TASP1: variants seen among roughly 807,000 people sequenced by gnomAD.
TASP1 encodes the protein threonine aspartase 1.
A neutral mutation model predicts 56.6 loss-of-function variants in TASP1; 16 were observed. The ratio of observed to expected loss-of-function variants is 0.28; its 90% CI spans 0.19 to 0.43. The LOEUF (loss-of-function observed/expected upper bound fraction) is 0.43. TASP1 is among the 20% of genes least tolerant of loss of function. The pLI, the probability that TASP1 is intolerant of heterozygous loss-of-function variation, is 1.00. For missense variants in TASP1, 393 were observed against 511.6 expected (o/e 0.77, Z 2.24); for synonymous variants, 179 against 184.2 (o/e 0.97, Z 0.23).
chr20:13,523,670 CTCCTGGCAAG>C (rs2044858766), intron 10 of TASP1, among the ~76,000 whole-genome samples: 1 of 152,140 alleles, frequency 6.6e-6, no homozygotes, highest in Non-Finnish European at 1.5e-5. Flanking sequence ...TTTGAAGCTA[CTCCTGGCAAG>C]TCCTGACCAC....
chr20:13,399,363 A>G (rs1404812296), intron 13 of TASP1, among the ~76,000 whole-genome samples: 1 of 152,102 alleles, frequency 6.6e-6, no homozygotes, highest in East Asian at 1.9e-4. Flanking sequence ...ATATCCAGCT[A>G]CCTTTTGGGC....
At chr20:13,611,651 C>T (rs1228367178) in intron 4 of TASP1, among the ~76,000 whole-genome samples, 1 of 152,150 alleles carries the variant, frequency 6.6e-6, no homozygotes, top group African/African-American at 2.4e-5. Flanking sequence ...GCCCTTGCAA[C>T]AAGACAAAAG....
the TASP1 span, among the ~76,000 whole-genome samples, chr20:13,180,563 A>G: frequency 6.6e-6 from 1 of 152,150 alleles, no homozygotes; most frequent in African/African-American, 2.4e-5. Flanking sequence ...GCCACTGAAC[A>G]TTTGTTAATT....
chr20:13,153,712 A>G, the TASP1 span, among the ~76,000 whole-genome samples: 1 of 152,152 alleles, frequency 6.6e-6, no homozygotes, highest in Non-Finnish European at 1.5e-5. Context: ...GAGTCTATAC[A>G]AAATAGATAC....
intron 13 of TASP1, among the ~76,000 whole-genome samples, chr20:13,395,061 C>T (rs2041471328): frequency 6.6e-6 from 1 of 152,160 alleles, no homozygotes; most frequent in African/African-American, 2.4e-5. Flanking sequence ...CTTCCAAGAC[C>T]ACCTTAGAAA....
At chr20:13,629,881 G>A (rs922463174) in intron 2 of TASP1, 53 bp downstream of exon 2, 9 of 1,607,246 alleles carry the variant, frequency 5.6e-6, no homozygotes, top group Non-Finnish European at 7.6e-6. Context: ...CTTCAAGGCA[G>A]AAAAAGAAAA....
At chr20:13,324,007 A>G in the TASP1 span, among the ~76,000 whole-genome samples, 1 of 152,188 alleles carries the variant, frequency 6.6e-6, no homozygotes, top group African/African-American at 2.4e-5. Context: ...AATGTTATCT[A>G]TCTCCCTTCC....
chr20:13,538,428 A>T (rs1485971263), intron 8 of TASP1, among the ~76,000 whole-genome samples: 2 of 152,236 alleles, frequency 1.3e-5, no homozygotes, highest in African/African-American at 4.8e-5. Flanking sequence ...TAGGTCTATT[A>T]TGGGATTATC....
the TASP1 span, among the ~76,000 whole-genome samples, chr20:13,233,595 CAAAAAAAAAA>C: frequency 1.6e-5 from 1 of 63,734 alleles, no homozygotes; most frequent in Non-Finnish European, 3.1e-5. Flanking sequence ...AACTCCATCT[CAAAAAAAAAA>C]AAAAAAAAAG....
At chr20:13,298,872 T>A in the TASP1 span, 3 of 1,513,494 alleles carry the variant, frequency 2.0e-6, no homozygotes, top group Non-Finnish European at 1.8e-6. Context: ...TGGTGTCACA[T>A]GCTCCTTGAA....
At chr20:13,325,205 G>C in the TASP1 span, among the ~76,000 whole-genome samples, 355 of 152,306 alleles carry the variant, frequency 2.3e-3, no homozygotes, top group African/African-American at 7.4e-3. Flanking sequence ...CCCTTCTCAC[G>C]AGAAACGCAT....
chr20:13,484,483 C>A (rs2043251024), intron 10 of TASP1, among the ~76,000 whole-genome samples: 1 of 151,990 alleles, frequency 6.6e-6, no homozygotes, highest in Admixed American at 6.5e-5. Flanking sequence ...GCCTGTAATC[C>A]CAACACTTTG....
At chr20:13,514,517 C>T (rs1389779283) in intron 10 of TASP1, among the ~76,000 whole-genome samples, 2 of 152,090 alleles carry the variant, frequency 1.3e-5, no homozygotes, top group Non-Finnish European at 2.9e-5. Context: ...CTGCTCCCTC[C>T]GTTAGGATTC....
chr20:13,136,604 C>CATAT, the TASP1 span, among the ~76,000 whole-genome samples: 20,223 of 135,916 alleles, frequency 0.15, 1,466 homozygotes, highest in East Asian at 0.23. Flanking sequence ...CATCTAAAAA[C>CATAT]ATATATATAT....
At chr20:13,378,013 T>C in the TASP1 span, among the ~76,000 whole-genome samples, 1,138 of 152,332 alleles carry the variant, frequency 7.5e-3, 17 homozygotes, top group African/African-American at 0.026. Flanking sequence ...GTTAATTTTT[T>C]CAAATAACCC....
the TASP1 span, among the ~76,000 whole-genome samples, chr20:13,260,311 T>C: frequency 6.6e-6 from 1 of 152,212 alleles, no homozygotes; most frequent in Non-Finnish European, 1.5e-5. Context: ...AGGTGCATCA[T>C]GAAAGCACAA....
At chr20:13,188,406 C>G in the TASP1 span, among the ~76,000 whole-genome samples, 1 of 152,004 alleles carries the variant, frequency 6.6e-6, no homozygotes, top group Non-Finnish European at 1.5e-5. Flanking sequence ...AGCAAACAAT[C>G]TGAAAAAGAA....
the TASP1 span, among the ~76,000 whole-genome samples, chr20:13,235,610 A>C: frequency 4.6e-5 from 7 of 152,086 alleles, no homozygotes; most frequent in Admixed American, 4.6e-4. Context: ...ATGTCATCCT[A>C]TGGGTTGCTC....
the TASP1 span, among the ~76,000 whole-genome samples, chr20:13,311,569 T>G: frequency 3.9e-5 from 6 of 152,138 alleles, no homozygotes; most frequent in Non-Finnish European, 8.8e-5. Context: ...GTAAGGGAAA[T>G]GTGGTATGTT....
Sources: gnomAD v4.1 joint callset for allele counts (sites outside exome capture counted in the v4.1 genomes callset) on GRCh38, gnomAD v4.1.1 for gene constraint, MANE v1.5 for transcripts, NCBI Gene and HGNC (gene_info 2026-07-23, HGNC 2026-07-21) for gene names.